STK32B: variants seen among roughly 807,000 people sequenced by gnomAD.
STK32B encodes serine/threonine-protein kinase 32B.
Under a neutral mutation model 52.6 loss-of-function variants are expected in STK32B, and 43 were observed. The ratio of observed to expected loss-of-function variants is 0.82; its 90% confidence interval spans 0.64 to 1.05. The LOEUF (loss-of-function observed/expected upper bound fraction) is 1.05. Ranked by LOEUF, STK32B falls within the 50% of genes least tolerant of loss-of-function variation. STK32B has a pLI of 0.00. For missense variants in STK32B, 621 were observed against 534.6 expected (o/e 1.16, Z -1.59); for synonymous variants, 238 against 204.3 (o/e 1.17, Z -1.41).
intron 3 of STK32B, among the ~76,000 whole-genome samples, chr4:5,192,328 C>T (rs1278375471): frequency 6.6e-6 from 1 of 152,182 alleles, no homozygotes; most frequent in Non-Finnish European, 1.5e-5. Flanking sequence ...GCCTGGTCCT[C>T]GGGGCCCTGG....
intron 3 of STK32B, among the ~76,000 whole-genome samples, chr4:5,297,108 A>G (rs1158622124): frequency 6.6e-6 from 1 of 151,984 alleles, no homozygotes; most frequent in Non-Finnish European, 1.5e-5. Context: ...TATTGGCCCC[A>G]CTCTCGTCTG....
intron 1 of STK32B, among the ~76,000 whole-genome samples, chr4:5,056,925 A>T (rs1742030486): frequency 6.6e-6 from 1 of 152,146 alleles, no homozygotes; most frequent in African/African-American, 2.4e-5. Context: ...AAAAACATCC[A>T]TCCCCCCCAA....
At chr4:5,215,845 TA>T (rs1161394143) in intron 3 of STK32B, among the ~76,000 whole-genome samples, 1 of 152,158 alleles carries the variant, frequency 6.6e-6, no homozygotes, top group Non-Finnish European at 1.5e-5. Context: ...TTCAAGTCAA[TA>T]TCCATTGAGT....
intron 3 of STK32B, among the ~76,000 whole-genome samples, chr4:5,206,659 C>T (rs1023716685): frequency 3.9e-5 from 6 of 151,992 alleles, no homozygotes; most frequent in African/African-American, 1.5e-4. Context: ...GGAGTAGCTG[C>T]GGAGGGGGAT....
intron 4 of STK32B, among the ~76,000 whole-genome samples, chr4:5,345,812 G>A (rs1408898006): frequency 2.6e-5 from 4 of 152,232 alleles, no homozygotes; most frequent in East Asian, 1.9e-4. Context: ...TGATGGAAAC[G>A]TCACATGGAT....
At chr4:5,051,996 C>T (rs1377619831) in intron 1 of STK32B, 81 bp downstream of exon 1, 20 of 1,536,228 alleles carry the variant, frequency 1.3e-5, no homozygotes, top group Non-Finnish European at 1.6e-5. Context: ...CTGCGGGGCA[C>T]CGCATGCTGC....
chr4:5,493,643 C>T (rs1016649960), intron 11 of STK32B, among the ~76,000 whole-genome samples: 6 of 152,074 alleles, frequency 3.9e-5, no homozygotes, highest in Non-Finnish European at 7.4e-5. Context: ...TTTGCTCTTG[C>T]TTCTCTAGTT....
At chr4:5,131,638 A>G (rs1030065335) in intron 1 of STK32B, among the ~76,000 whole-genome samples, 3 of 151,964 alleles carry the variant, frequency 2.0e-5, no homozygotes, top group African/African-American at 7.3e-5. Flanking sequence ...GCTCCTGGGG[A>G]CTGTCATGCA....
chr4:5,141,577 C>G (rs571668500), intron 2 of STK32B, among the ~76,000 whole-genome samples: 5 of 152,228 alleles, frequency 3.3e-5, no homozygotes, highest in African/African-American at 1.2e-4. Flanking sequence ...CATAGAAGTT[C>G]ACTTTGGCTA....
At chr4:5,443,866 G>T (rs1715048151) in intron 6 of STK32B, among the ~76,000 whole-genome samples, 1 of 152,212 alleles carries the variant, frequency 6.6e-6, no homozygotes, top group Admixed American at 6.5e-5. Context: ...TGCCATGTGA[G>T]GTGTCAGTGT....
chr4:5,120,062 C>A (rs1714940966), intron 1 of STK32B, among the ~76,000 whole-genome samples: 1 of 152,192 alleles, frequency 6.6e-6, no homozygotes, highest in South Asian at 2.1e-4. Context: ...GCATGCCCTT[C>A]TTCTAAGTAG....
At chr4:5,094,216 C>A (rs1450453451) in intron 1 of STK32B, among the ~76,000 whole-genome samples, 1 of 152,060 alleles carries the variant, frequency 6.6e-6, no homozygotes, top group Non-Finnish European at 1.5e-5. Flanking sequence ...AAAAGGAAGG[C>A]GAAGGATCTA....
chr4:5,144,784 T>TCATCCATCCATCCATC (rs112099943), intron 2 of STK32B, among the ~76,000 whole-genome samples: 1 of 95,618 alleles, frequency 1.0e-5, no homozygotes, highest in African/African-American at 3.5e-5. Flanking sequence ...ACTCATTCAC[T>TCATCCATCCATCCATC]CATCCATCCA....
At chr4:5,112,272 T>A (rs918871428) in intron 1 of STK32B, among the ~76,000 whole-genome samples, 4 of 152,000 alleles carry the variant, frequency 2.6e-5, no homozygotes, top group African/African-American at 7.3e-5. Flanking sequence ...AGAAACAGAG[T>A]CAATAGAATG....
chr4:5,103,114 C>T (rs1444627388), intron 1 of STK32B, among the ~76,000 whole-genome samples: 1 of 151,238 alleles, frequency 6.6e-6, no homozygotes, highest in African/African-American at 2.4e-5. Context: ...GTAAAATTGC[C>T]CTTAGAATCC....
intron 2 of STK32B, among the ~76,000 whole-genome samples, chr4:5,156,992 G>GAA (rs111709719): frequency 6.7e-6 from 1 of 148,290 alleles, no homozygotes; most frequent in South Asian, 2.1e-4. Context: ...TTCAGAGTGT[G>GAA]AAAAAAAAAA....
At chr4:5,104,913 T>C (rs1714015702) in intron 1 of STK32B, among the ~76,000 whole-genome samples, 1 of 152,258 alleles carries the variant, frequency 6.6e-6, no homozygotes, top group Non-Finnish European at 1.5e-5. Flanking sequence ...TTTTCTATTC[T>C]GCTCTCAATA....
intron 1 of STK32B, among the ~76,000 whole-genome samples, chr4:5,109,997 C>T (rs1577074291): frequency 2.7e-5 from 4 of 145,940 alleles, no homozygotes; most frequent in Non-Finnish European, 1.5e-5. Flanking sequence ...GAACCAATCC[C>T]GTTTACAATA....
At chr4:5,491,539 T>C (rs1719735039) in intron 11 of STK32B, among the ~76,000 whole-genome samples, 2 of 151,924 alleles carry the variant, frequency 1.3e-5, no homozygotes, top group African/African-American at 4.8e-5. Context: ...GCCTGTTCAC[T>C]CTGATGGTAG....
Sources: gnomAD v4.1 joint callset for allele counts (sites outside exome capture counted in the v4.1 genomes callset) on GRCh38, gnomAD v4.1.1 for gene constraint, MANE v1.5 for transcripts, NCBI Gene and HGNC (gene_info 2026-07-23, HGNC 2026-07-21) for gene names.